Variants in TSC22D1 observed in about 807,000 individuals in gnomAD.
The protein encoded by TSC22D1 is TSC22 domain family member 1.
Under a neutral mutation model 74.2 loss-of-function variants are expected in TSC22D1, and 9 were observed. The observed-to-expected ratio is 0.12, with a 90% CI of 0.07 to 0.21. The LOEUF (loss-of-function observed/expected upper bound fraction) is 0.21, where lower values mean the gene tolerates loss of function less well. Ranked by LOEUF, TSC22D1 falls within the 10% of genes least tolerant of loss-of-function variation. TSC22D1 has a pLI of 1.00. For missense variants in TSC22D1, 1,427 were observed against 1,304.7 expected, an observed-to-expected ratio of 1.09 and a Z score of -1.44; for synonymous variants, 586 against 492.5, an observed-to-expected ratio of 1.19 and a Z score of -2.51.
upstream of TSC22D1, chr13:44,577,044 G>C (rs1248932607): frequency 6.6e-6 from 1 of 152,640 alleles, no homozygotes; most frequent in Admixed American, 6.5e-5. Flanking sequence ...CTCCGCAGCC[G>C]GCTCTTCCTC....
intron 1 of TSC22D1, among the ~76,000 whole-genome samples, chr13:44,522,154 C>T (rs1330929202): frequency 2.6e-5 from 4 of 152,072 alleles, no homozygotes; most frequent in East Asian, 3.9e-4. Context: ...AACATTTAAG[C>T]TGAGACTTAA....
At chr13:44,499,741 C>T (rs1879138094) in intron 1 of TSC22D1, among the ~76,000 whole-genome samples, 1 of 152,120 alleles carries the variant, frequency 6.6e-6, no homozygotes, top group South Asian at 2.1e-4. Flanking sequence ...TTATATTTTA[C>T]AGGTTTGGGA....
At position 44,434,050 on chromosome 13, in the gene TSC22D1, TCA is replaced by T. The variant is rs1305777884; in HGVS notation, c.*574_*575del. 6.5e-7 allele frequency: 1 copy of T among 1,532,100 alleles called. No homozygotes were observed. The highest frequency in any genetic ancestry group is 8.7e-7 in the Non-Finnish European group (1 of 1,146,100). The allele number at this position is 1,532,100 out of a possible 1,614,324, so 94.9% of individuals were successfully genotyped here. A position where few individuals can be genotyped will look rare whatever the true frequency, so the allele number is the denominator to read the frequency against. On this transcript the variant is annotated 3_prime_UTR_variant, in exon 3 of 3. Coordinates refer to ENST00000458659, the MANE Select transcript of TSC22D1 (RefSeq NM_183422.4). ...GCTACCTGTCACCATTTTGTCACTC[TCA>T]TAGTTTTGTGTCATCCATTGTTTGA...
intron 1 of TSC22D1, among the ~76,000 whole-genome samples, chr13:44,558,113 T>C (rs1882807018): frequency 6.6e-6 from 1 of 152,138 alleles, no homozygotes; most frequent in Admixed American, 6.5e-5. Context: ...GCCTCTATAC[T>C]CAATAGGCTA....
chr13:44,535,641 CA>C (rs142929734), intron 1 of TSC22D1, among the ~76,000 whole-genome samples: 4 of 150,422 alleles, frequency 2.7e-5, no homozygotes, highest in East Asian at 3.9e-4. Flanking sequence ...AACAAACAAA[CA>C]AAAAAAACCA....
At chr13:44,488,553 A>G (rs956734070) in intron 1 of TSC22D1, among the ~76,000 whole-genome samples, 6 of 152,208 alleles carry the variant, frequency 3.9e-5, no homozygotes, top group African/African-American at 1.4e-4. Context: ...ACAAGAAAAA[A>G]GAACAGAACG....
At chr13:44,487,521 A>AG (rs1342554660) in intron 1 of TSC22D1, among the ~76,000 whole-genome samples, 73 of 147,890 alleles carry the variant, frequency 4.9e-4, no homozygotes, top group African/African-American at 1.7e-3. Flanking sequence ...AAAAAAAAAA[A>AG]AAAAAAGAAA....
chr13:44,433,800 CAA>C lies in TSC22D1; in HGVS notation c.*824_*825del. Reference sequence around the variant, plus strand: ...GATTACACAAAGTGAGTAACTGTGCCAAATTCTTAAAATTTCTTTAGGTGTGG... The same window carrying C: ...GATTACACAAAGTGAGTAACTGTGCCATTCTTAAAATTTCTTTAGGTGTGG... On this transcript the variant is annotated 3_prime_UTR_variant, in exon 3 of 3. Transcript: ENST00000458659. The C allele has an allele frequency of 1.8e-6, 1 of 560,628 alleles. No individual in the cohort carries two copies. The allele number at this position is 560,628 out of a possible 1,614,324, so 34.7% of individuals were successfully genotyped here.
In TSC22D1 at chr13:44,509,950, CAAAAAAAAAAAAAAAAAAAAAGCTA is replaced by C. The variant is rs1489630248; in HGVS notation, c.2912+63188_2912+63212del. 9.5e-3 allele frequency among the ~76,000 whole-genome samples: 488 copies of C among 51,460 alleles called. 4 individuals are homozygous for C. Among genetic ancestry groups the C allele is most frequent in the African/African-American group, 0.035 (462 of 13,306 alleles). 33.8% of individuals were successfully genotyped at this position (51,460 alleles called of 152,430 possible). A position where few individuals can be genotyped will look rare whatever the true frequency, so the allele number is the denominator to read the frequency against. The stretch of plus-strand genomic sequence containing the variant: ...TTCACCTGTCAAACTAGAAAATAAG[CAAAAAAAAAAAAAAAAAAAAAGCTA>C]AAAAAAAAAAATAACCTGGGCAAGG... On this transcript the variant is annotated intron_variant, in intron 1 of 2. Coordinates refer to ENST00000458659, the MANE Select transcript of TSC22D1 (RefSeq NM_183422.4).
At chr13:44,567,503 G>GAA (rs140699188) in intron 1 of TSC22D1, among the ~76,000 whole-genome samples, 3 of 142,406 alleles carry the variant, frequency 2.1e-5, no homozygotes, top group South Asian at 2.2e-4. Flanking sequence ...CACATAGAAA[G>GAA]AAAAAAAAAA....
At chr13:44,477,004 G>C (rs1595105344) in intron 1 of TSC22D1, among the ~76,000 whole-genome samples, 1 of 152,092 alleles carries the variant, frequency 6.6e-6, no homozygotes, top group East Asian at 1.9e-4. Flanking sequence ...ATTTTGAGCA[G>C]AGTTTTGCTC....
At chr13:44,538,431 C>T in intron 1 of TSC22D1, 2 of 985,244 alleles carry the variant, frequency 2.0e-6, no homozygotes, top group Non-Finnish European at 2.4e-6. Context: ...CAAAAAAAAC[C>T]ATTTCATTAA....
intron 1 of TSC22D1, among the ~76,000 whole-genome samples, chr13:44,497,635 T>G (rs73188780): frequency 0.025 from 3,832 of 152,260 alleles, 47 homozygotes; most frequent in Non-Finnish European, 0.037. Flanking sequence ...ATTTCTTTTT[T>G]CCATCATCAC....
intron 1 of TSC22D1, among the ~76,000 whole-genome samples, chr13:44,460,299 A>G (rs1350356309): frequency 1.3e-5 from 2 of 152,206 alleles, no homozygotes; most frequent in African/African-American, 4.8e-5. Context: ...GGCCTAATAT[A>G]AAAAGTATTA....
In TSC22D1 at chr13:44,460,669, G is replaced by A. The variant is rs114157855; in HGVS notation, c.2913-24574C>T. ...AAAGCTATGGAGGGAGGCCCCATCC[G>A]CTTCTAGTGTTCTCTTCCCTTGATT... is the stretch of plus-strand genomic sequence containing the variant. On this transcript the variant is annotated intron_variant, in intron 1 of 2. Transcript: ENST00000458659. 5.1e-3 allele frequency among the ~76,000 whole-genome samples: 778 copies of A among 152,204 alleles called. 5 individuals are homozygous for A. Among genetic ancestry groups the A allele is most frequent in the African/African-American group, 0.018 (755 of 41,528 alleles).
At chr13:44,561,723 G>A (rs1024880814) in intron 1 of TSC22D1, among the ~76,000 whole-genome samples, 4 of 151,924 alleles carry the variant, frequency 2.6e-5, no homozygotes, top group South Asian at 2.1e-4. Flanking sequence ...TCCCAAATGC[G>A]ATTAGATTTC....
At chr13:44,565,695 C>T (rs1883327813) in intron 1 of TSC22D1, among the ~76,000 whole-genome samples, 1 of 152,256 alleles carries the variant, frequency 6.6e-6, no homozygotes, top group Non-Finnish European at 1.5e-5. Flanking sequence ...TCATGCTTAA[C>T]AGCTTCATAT....
chr13:44,525,035 G>C (rs1049828282), intron 1 of TSC22D1, among the ~76,000 whole-genome samples: 40 of 152,144 alleles, frequency 2.6e-4, no homozygotes, highest in African/African-American at 8.2e-4. Context: ...ACCAACAGCG[G>C]GTATATCAAA....
rs1470098713 is a variant in TSC22D1, at chr13:44,434,402, G to A, written c.*224C>T. 1 of 1,362,934 alleles carries A rather than the reference G, an allele frequency of 7.3e-7. No individual in the cohort carries two copies. Among genetic ancestry groups the A allele is most frequent in the Admixed American group, 3.6e-5 (1 of 27,582 alleles). The allele number at this position is 1,362,934 out of a possible 1,614,324, so 84.4% of individuals were successfully genotyped here. ...CTGCATGAGGTCCCGGTATATCCAT[G>A]CTAATTCTCGGATTAACCTTTAATT... On this transcript the variant is annotated 3_prime_UTR_variant, in exon 3 of 3. Coordinates refer to ENST00000458659, the MANE Select transcript of TSC22D1 (RefSeq NM_183422.4).
Sources: gnomAD v4.1 joint callset for allele counts (sites outside exome capture counted in the v4.1 genomes callset) on GRCh38, gnomAD v4.1.1 for gene constraint, MANE v1.5 for transcripts, NCBI Gene and HGNC (gene_info 2026-07-23, HGNC 2026-07-21) for gene names.